Variants in CRB1 observed in about 807,000 individuals in gnomAD.
The protein encoded by CRB1 is protein crumbs homolog 1.
Under a neutral mutation model 120.0 loss-of-function variants are expected in CRB1, and 83 were observed. That is an observed-to-expected ratio of 0.69 (90% CI 0.58 to 0.83). CRB1 has a LOEUF of 0.83. Ranked by LOEUF, CRB1 falls within the 40% of genes least tolerant of loss-of-function variation. CRB1 has a pLI of 0.00. For missense variants in CRB1, 1,699 were observed against 1,687.6 expected (o/e 1.01, Z -0.12); for synonymous variants, 625 against 612.5 (o/e 1.02, Z -0.30).
At position 197,421,582 on chromosome 1, in the gene CRB1, A is replaced by C. The variant is rs973238901; in HGVS notation, c.1754A>C (p.Asp585Ala). ...GCTGTGACCCTTACCTTAATCGACG[A>C]CTCCTGTAAGGAGAAATGCATCGCG... ...AEAVTLTLID[D>A]SCKEKCIAKA... Residue 585 changes from aspartate to alanine, a missense_variant, in exon 6 of 12, where the codon GAC becomes GCC. Transcript: ENST00000367400. 1.2e-6 allele frequency: 2 copies of C among 1,613,910 alleles called. No individual in the cohort carries two copies. The highest frequency in any genetic ancestry group is 2.7e-5 in the African/African-American group (2 of 74,844).
At chr1:197,370,195 T>G (rs1661297861) in intron 5 of CRB1, among the ~76,000 whole-genome samples, 1 of 151,990 alleles carries the variant, frequency 6.6e-6, no homozygotes, top group African/African-American at 2.4e-5. Context: ...AATAGAGCAT[T>G]CTTAAAGCAT....
Position 197,452,002 on chromosome 1 carries a change from T to C in CRB1, c.4005+9710T>C, listed in dbSNP as rs79647127. On this transcript the variant is annotated intron_variant, in intron 11 of 11. Transcript: ENST00000367400. ...GACTCCATAATAGATGCCTGATATT[T>C]GCAAGGATGCTTCTTCTAAAGTTTA... 7.2e-4 allele frequency among the ~76,000 whole-genome samples: 109 copies of C among 152,328 alleles called. No homozygotes were observed. In the East Asian group the frequency reaches 0.02, roughly 28 times the overall value.
chr1:197,468,780 GC>G (rs1319381517), intron 11 of CRB1, among the ~76,000 whole-genome samples: 7 of 152,312 alleles, frequency 4.6e-5, no homozygotes, highest in Admixed American at 2.6e-4. Flanking sequence ...CCTGGACATT[GC>G]TGTGTAAGAG....
At chr1:197,418,500 A>G (rs1412847633) in intron 5 of CRB1, among the ~76,000 whole-genome samples, 2 of 152,214 alleles carry the variant, frequency 1.3e-5, no homozygotes, top group African/African-American at 2.4e-5. Context: ...AGAGCTTGAA[A>G]TATTTTTGAA....
At chr1:197,233,689 C>T in the CRB1 span, among the ~76,000 whole-genome samples, 1 of 152,258 alleles carries the variant, frequency 6.6e-6, no homozygotes, top group Non-Finnish European at 1.5e-5. Context: ...GTTCCTCCTG[C>T]CATACTACTA....
chr1:197,319,195 G>A (rs1470534398), intron 1 of CRB1, among the ~76,000 whole-genome samples: 5 of 145,440 alleles, frequency 3.4e-5, no homozygotes, highest in Admixed American at 2.8e-4. Flanking sequence ...GGGCTGAGGT[G>A]GGCAAATCAT....
chr1:197,336,042 T>C (rs1165281281), intron 2 of CRB1, among the ~76,000 whole-genome samples: 1 of 152,242 alleles, frequency 6.6e-6, no homozygotes, highest in Admixed American at 6.5e-5. Context: ...ATGCAGTGTC[T>C]TTCACGTACA....
chr1:197,464,759 A>G (rs1440805065), intron 11 of CRB1, among the ~76,000 whole-genome samples: 2 of 152,186 alleles, frequency 1.3e-5, no homozygotes, highest in Non-Finnish European at 2.9e-5. Flanking sequence ...AAAAAACTAT[A>G]TTTTGAGAGT....
chr1:197,405,060 C>T (rs1212473238), intron 5 of CRB1, among the ~76,000 whole-genome samples: 1 of 151,824 alleles, frequency 6.6e-6, no homozygotes, highest in African/African-American at 2.4e-5. Flanking sequence ...CTCCCTCTCC[C>T]TCTCCCTCTC....
In CRB1 at chr1:197,356,994, C is replaced by T; in HGVS notation, c.1152C>T (p.Ile384=). The T allele has an allele frequency of 1.9e-6, 3 of 1,614,230 alleles. No individual in the cohort carries two copies. Among genetic ancestry groups the T allele is most frequent in the Non-Finnish European group, 2.5e-6 (3 of 1,180,038 alleles). The change falls in exon 5 of 12, where the codon ATC becomes ATT. Residue 384 remains isoleucine (I), a synonymous_variant. Coordinates refer to ENST00000367400, the MANE Select transcript of CRB1 (RefSeq NM_201253.3). ...ATGAAGCCTCAGGTTATGTCTGTAT[C>T]TGTCAGCCTGGATTCACAGGTGAGG... ...SYHEASGYVC[I]CQPGFTGIHC...
At chr1:197,424,525 T>A (rs1444855165) in intron 6 of CRB1, among the ~76,000 whole-genome samples, 1 of 152,182 alleles carries the variant, frequency 6.6e-6, no homozygotes, top group African/African-American at 2.4e-5. Context: ...TATATTTGCT[T>A]CTTTGTATTC....
intron 5 of CRB1, among the ~76,000 whole-genome samples, chr1:197,397,719 A>G (rs920555129): frequency 6.6e-6 from 1 of 152,146 alleles, no homozygotes; most frequent in African/African-American, 2.4e-5. Flanking sequence ...AAAAGGCTAT[A>G]TATTGTATGA....
chr1:197,400,454 A>C (rs982984396), intron 5 of CRB1, among the ~76,000 whole-genome samples: 3 of 147,336 alleles, frequency 2.0e-5, no homozygotes, highest in Non-Finnish European at 4.5e-5. Flanking sequence ...GAGTAGCAGA[A>C]CCAGAAGTAA....
At position 197,427,439 on chromosome 1, in the gene CRB1, A is replaced by G. The variant is rs997262993; in HGVS notation, c.2129-15A>G. On this transcript the variant is annotated splice_polypyrimidine_tract_variant and intron_variant, in intron 6 of 11. Coordinates refer to ENST00000367400, the MANE Select transcript of CRB1 (RefSeq NM_201253.3). ...TTCTTTTTTTTTCTCCTCCTCCTCT[A>G]TTTTGACATTGAAGAGTATGTGGCA... 5.6e-6 allele frequency: 9 copies of G among 1,610,922 alleles called. No homozygotes were observed. The highest frequency in any genetic ancestry group is 7.6e-6 in the Non-Finnish European group (9 of 1,178,604).
chr1:197,352,679 T>C (rs1026504467), intron 4 of CRB1, among the ~76,000 whole-genome samples: 1 of 136,382 alleles, frequency 7.3e-6, no homozygotes, highest in African/African-American at 2.6e-5. Context: ...CATGTTATTT[T>C]ACTTTCCTTT....
intron 5 of CRB1, among the ~76,000 whole-genome samples, chr1:197,372,973 C>A (rs1379718099): frequency 6.6e-6 from 1 of 152,104 alleles, no homozygotes; most frequent in Non-Finnish European, 1.5e-5. Flanking sequence ...GTTTTGCCAG[C>A]CTGCATTGCT....
At chr1:197,221,951 T>A in the CRB1 span, among the ~76,000 whole-genome samples, 1 of 152,248 alleles carries the variant, frequency 6.6e-6, no homozygotes. Context: ...TACAGATCTT[T>A]CCAACCAAAA....
the CRB1 span, among the ~76,000 whole-genome samples, chr1:197,262,998 A>G: frequency 1.3e-5 from 2 of 152,130 alleles, no homozygotes; most frequent in Non-Finnish European, 2.9e-5. Flanking sequence ...ATATGATTGC[A>G]TGTGTATTTC....
At chr1:197,477,078 A>G (rs1344917717) in intron 11 of CRB1, among the ~76,000 whole-genome samples, 1 of 152,206 alleles carries the variant, frequency 6.6e-6, no homozygotes, top group African/African-American at 2.4e-5. Flanking sequence ...CGTTAAGCAC[A>G]TGTGCCTTTA....
Sources: allele counts gnomAD v4.1 joint callset (sites outside exome capture counted in the v4.1 genomes callset), GRCh38; gene constraint gnomAD v4.1.1; transcripts MANE v1.5; gene names NCBI Gene and HGNC (gene_info 2026-07-23, HGNC 2026-07-21).